Variants in ZNF134 observed in about 807,000 individuals in gnomAD.
ZNF134 encodes the protein zinc finger protein 134 (clone pHZ-15).
ZNF134 carries 5 observed loss-of-function variants against 2.5 expected under a neutral mutation model. The ratio of observed to expected loss-of-function variants is 2.03; its 90% CI spans 1.06 to 4.27. The LOEUF (loss-of-function observed/expected upper bound fraction) is 4.27. Ranked by LOEUF, ZNF134 falls within the 30% of genes most tolerant of loss-of-function variation. ZNF134 has a pLI of 0.00. For missense variants in ZNF134, 540 were observed against 517.5 expected (o/e 1.04, Z -0.42); for synonymous variants, 176 against 176.2 (o/e 1.00, Z 0.01).
Position 57,621,394 on chromosome 19 carries a change from C to T in ZNF134, c.1275C>T (p.Gly425=). 1 of 1,613,252 alleles carries T rather than the reference C, an allele frequency of 6.2e-7. No homozygotes were observed. The highest frequency in any genetic ancestry group is 8.5e-7 in the Non-Finnish European group (1 of 1,179,996). Residue 425 remains glycine (G), a synonymous_variant, in exon 3 of 3, where the codon GGC becomes GGT. Transcript: ENST00000396161. ...GGCACCAGAAAGTTCACACTGCAGGCAGGCTTTAGGAGTGCTTTGAATACA... is the reference window on the plus strand; with the variant it reads ...GGCACCAGAAAGTTCACACTGCAGGTAGGCTTTAGGAGTGCTTTGAATACA... ...LNRHQKVHTA[G]RL is the part of the protein sequence containing the mutation.
chr19:57,624,061 CAG>C lies in ZNF134; in HGVS notation c.*2661_*2662del, dbSNP rs911348032. The stretch of plus-strand genomic sequence containing the variant: ...CTTTCATGAGAAAGGAAGGATGACT[CAG>C]AGCAGAGGAGAGTCCAGTGGGCAGA... On this transcript the variant is annotated 3_prime_UTR_variant, in exon 3 of 3. Coordinates refer to ENST00000396161, the MANE Select transcript of ZNF134 (RefSeq NM_003435.5). 2 of 152,218 alleles carry C rather than the reference CAG, an allele frequency of 1.3e-5. No homozygotes were observed. Among genetic ancestry groups the C allele is most frequent in the Non-Finnish European group, 2.9e-5 (2 of 68,062 alleles). The allele number at this position is 152,218 out of a possible 1,614,324, so 9.4% of individuals were successfully genotyped here.
Position 57,622,547 on chromosome 19 carries a change from G to A in ZNF134, c.*1144G>A, listed in dbSNP as rs1391554276. ...ATCTCCAGGGCCATGTTACTGTTAG[G>A]TCAAGGTCACTGGTGCAGCAACGAA... is the stretch of plus-strand genomic sequence containing the variant. On this transcript the variant is annotated 3_prime_UTR_variant, in exon 3 of 3. Transcript: ENST00000396161. 2 of 152,204 alleles carry A rather than the reference G, an allele frequency of 1.3e-5. No individual in the cohort carries two copies. Among genetic ancestry groups the A allele is most frequent in the African/African-American group, 4.8e-5 (2 of 41,424 alleles). The allele number at this position is 152,204 out of a possible 1,614,324, so 9.4% of individuals were successfully genotyped here.
rs1272884765 is a variant in ZNF134, at chr19:57,620,377, A to G, written c.258A>G (p.Gln86=). The G allele has an allele frequency of 1.9e-6, 3 of 1,614,090 alleles. No homozygotes were observed. The highest frequency in any genetic ancestry group is 1.7e-5 in the Admixed American group (1 of 60,012). The change falls in exon 3 of 3, where the codon CAA becomes CAG. Residue 86 remains glutamine, a synonymous_variant. Coordinates refer to ENST00000396161, the MANE Select transcript of ZNF134 (RefSeq NM_003435.5). ...ACACATGTGGGGCATGTGGGAGACAATTCTGGTTCAGTGCAAACCTTCATC... is the reference window on the plus strand; with the variant it reads ...ACACATGTGGGGCATGTGGGAGACAGTTCTGGTTCAGTGCAAACCTTCATC... ...KLHTCGACGR[Q]FWFSANLHQY...
chr19:57,621,026 C>G lies in ZNF134; in HGVS notation c.907C>G (p.Leu303Val). 6.2e-7 allele frequency: 1 copy of G among 1,614,226 alleles called. No individual in the cohort carries two copies. Among genetic ancestry groups the G allele is most frequent in the East Asian group, 2.2e-5 (1 of 44,892 alleles). The change falls in exon 3 of 3, where the codon CTT (leucine) becomes GTT (valine). Residue 303 changes from leucine (L) to valine (V), a missense_variant. Coordinates refer to ENST00000396161, the MANE Select transcript of ZNF134 (RefSeq NM_003435.5). ...GAAAGTCTTCAGACACAAATCTACA[C>G]TTGTTCAGCATGAGAGTATTCACAC... ...CGKVFRHKST[L>V]VQHESIHTGE... is the part of the protein sequence containing the mutation.
Position 57,620,497 on chromosome 19 carries a change from T to C in ZNF134, c.378T>C (p.His126=). The C allele has an allele frequency of 6.2e-7, 1 of 1,614,182 alleles. No homozygotes were observed. The highest frequency in any genetic ancestry group is 1.7e-5 in the Admixed American group (1 of 60,028). The change falls in exon 3 of 3, where the codon CAT becomes CAC. Residue 126 remains histidine (H), a synonymous_variant. Coordinates refer to ENST00000396161, the MANE Select transcript of ZNF134 (RefSeq NM_003435.5). ...VKNCTVSKEP[H]PSEKPFTCKE... Reference sequence around the variant, plus strand: ...ACTGCACAGTTAGCAAAGAACCTCATCCGTCAGAGAAGCCCTTTACGTGTA... The same window carrying C: ...ACTGCACAGTTAGCAAAGAACCTCACCCGTCAGAGAAGCCCTTTACGTGTA...
chr19:57,620,774 C>T lies in ZNF134; in HGVS notation c.655C>T (p.Leu219Phe), dbSNP rs757660292. ...CGKAFSRKAT[L>F]VQHQRIHTGE... The stretch of plus-strand genomic sequence containing the variant: ...GAAAGCCTTCAGCCGCAAAGCTACA[C>T]TTGTCCAGCATCAGAGAATCCATAC... Residue 219 changes from leucine (L) to phenylalanine (F), a missense_variant, in exon 3 of 3, where the codon CTT (leucine) becomes TTT (phenylalanine). Physicochemically the swap from Leu to Phe is conservative, Grantham distance 22 (BLOSUM62 0). Transcript: ENST00000396161. The T allele has an allele frequency of 3.7e-6, 6 of 1,613,902 alleles. No homozygotes were observed. The Admixed American group carries it at 6.7e-5, about 18-fold the overall frequency.
rs138687579 is a variant in ZNF134 at position 57,619,454 on chromosome 19, G to C, written c.-15G>C. ...AATTGTAACAAGAGAGAGAACTCTG[G>C]CTGCCTGAGAGGGCATGACTCTAGT... On this transcript the variant is annotated 5_prime_UTR_variant, in exon 2 of 3. Coordinates refer to ENST00000396161, the MANE Select transcript of ZNF134 (RefSeq NM_003435.5). The C allele has an allele frequency of 4.3e-4, 691 of 1,601,746 alleles. No homozygotes were observed. In the African/African-American group the frequency reaches 6.8e-3, roughly 16 times the overall value.
At position 57,623,141 on chromosome 19, in the gene ZNF134, C is replaced by G. The variant is rs986016735; in HGVS notation, c.*1738C>G. On this transcript the variant is annotated 3_prime_UTR_variant, in exon 3 of 3. Transcript: ENST00000396161. The stretch of plus-strand genomic sequence containing the variant: ...TAGTTTTCACTGTAGGTAAATTTGT[C>G]TTTTCTAGAATTTTATGTAAGTCTG... 1 of 152,114 alleles carries G rather than the reference C, an allele frequency of 6.6e-6. No homozygotes were observed. The highest frequency in any genetic ancestry group is 1.5e-5 in the Non-Finnish European group (1 of 68,026). The allele number at this position is 152,114 out of a possible 1,614,324, so 9.4% of individuals were successfully genotyped here.
chr19:57,614,865 G>T (rs913551235), intron 1 of ZNF134, among the ~76,000 whole-genome samples: 2 of 147,528 alleles, frequency 1.4e-5, no homozygotes, highest in South Asian at 4.2e-4. Flanking sequence ...ACTACAGTGA[G>T]GTAGAAACGA....
At chr19:57,614,581 G>A (rs775485180) in intron 1 of ZNF134, 78 bp downstream of exon 1, 1 of 341,880 alleles carries the variant, frequency 2.9e-6, no homozygotes, top group Admixed American at 4.0e-5. Flanking sequence ...CTGAGTCCCT[G>A]CAGCGCAGGC....
intron 1 of ZNF134, among the ~76,000 whole-genome samples, chr19:57,615,332 G>A (rs1981022036): frequency 1.3e-5 from 2 of 151,964 alleles, no homozygotes. Context: ...TTAGAGGGTG[G>A]AATTTCAAGG....
At chr19:57,616,302 A>G (rs1981049093) in intron 1 of ZNF134, among the ~76,000 whole-genome samples, 1 of 152,274 alleles carries the variant, frequency 6.6e-6, no homozygotes, top group African/African-American at 2.4e-5. Context: ...GTACAAAGTA[A>G]GGGAAATTTA....
chr19:57,619,584 A>T, intron 2 of ZNF134, 76 bp downstream of exon 2: 1 of 1,471,334 alleles, frequency 6.8e-7, no homozygotes, highest in Non-Finnish European at 9.1e-7. Flanking sequence ...TGTGCCCATC[A>T]CAAGTGCCAA....
chr19:57,619,506 C>A lies in ZNF134; in HGVS notation c.38C>A (p.Pro13His). ...LVTAGGAWTG[P>H]GCWHEVKDEE... The stretch of plus-strand genomic sequence containing the variant: ...ACAGCAGGAGGGGCTTGGACAGGCC[C>A]TGGTGAGTGGGAGCTGAGGGACGCC... The change falls in exon 2 of 3, where the codon CCT (proline) becomes CAT (histidine). Residue 13 changes from proline (P) to histidine (H), a missense_variant and splice_region_variant. Transcript: ENST00000396161. 1 of 1,602,108 alleles carries A rather than the reference C, an allele frequency of 6.2e-7. No homozygotes were observed. Among genetic ancestry groups the A allele is most frequent in the Non-Finnish European group, 8.5e-7 (1 of 1,174,586 alleles).
chr19:57,619,547 G>C, intron 2 of ZNF134, 39 bp downstream of exon 2: 5 of 1,559,882 alleles, frequency 3.2e-6, no homozygotes, highest in Non-Finnish European at 4.3e-6. Context: ...CTCAGGGCTG[G>C]GTTCCTGTAG....
intron 1 of ZNF134, among the ~76,000 whole-genome samples, chr19:57,617,448 G>C (rs550348534): frequency 1.4e-4 from 22 of 152,308 alleles, no homozygotes; most frequent in Middle Eastern, 3.4e-3. Flanking sequence ...GGTGAAGGAA[G>C]ACCCTGGATT....
rs1009367106 is a variant in ZNF134 at position 57,614,267 on chromosome 19, G to T, written c.-294G>T. ...GCGGTGGACATCTTGTCGGCTCTTA[G>T]GTGGAACCATCGGAGCAGAAGCTCG... is the stretch of plus-strand genomic sequence containing the variant. On this transcript the variant is annotated 5_prime_UTR_variant, in exon 1 of 3. The change creates a new upstream start codon in the 5' untranslated region. Coordinates refer to ENST00000396161, the MANE Select transcript of ZNF134 (RefSeq NM_003435.5). 2.0e-5 allele frequency: 9 copies of T among 445,430 alleles called. No homozygotes were observed. Among genetic ancestry groups the T allele is most frequent in the Middle Eastern group, 3.3e-4 (1 of 3,044 alleles). 27.6% of individuals were successfully genotyped at this position (445,430 alleles called of 1,614,324 possible).
intron 2 of ZNF134, among the ~76,000 whole-genome samples, chr19:57,619,913 A>G (rs1302618001): frequency 6.6e-6 from 1 of 152,206 alleles, no homozygotes; most frequent in East Asian, 1.9e-4. Context: ...AAGTCATTGC[A>G]GAGGATTAAG....
rs979722566 is a variant in ZNF134, at chr19:57,622,989, ACACACACT to A, written c.*1587_*1594del. ...CACACACACACACACACACACACACACACACACTTGAAACTATCACCCTATCAGTGGTA... is the reference window on the plus strand; with the variant it reads ...CACACACACACACACACACACACACATGAAACTATCACCCTATCAGTGGTA... On this transcript the variant is annotated 3_prime_UTR_variant, in exon 3 of 3. Transcript: ENST00000396161. 3 of 144,598 alleles carry A rather than the reference ACACACACT, an allele frequency of 2.1e-5. No individual in the cohort carries two copies. Among genetic ancestry groups the A allele is most frequent in the Admixed American group, 7.0e-5 (1 of 14,276 alleles). 9.0% of individuals were successfully genotyped at this position (144,598 alleles called of 1,614,324 possible).
Sources: gnomAD v4.1 joint callset for allele counts (sites outside exome capture counted in the v4.1 genomes callset) on GRCh38, gnomAD v4.1.1 for gene constraint, MANE v1.5 for transcripts, NCBI Gene and HGNC (gene_info 2026-07-23, HGNC 2026-07-21) for gene names.